The following ATP6V1E1 variants were observed in gnomAD, a reference collection of about 807,000 sequenced individuals.
ATP6V1E1 encodes V-type proton ATPase subunit E 1.
A neutral mutation model predicts 35.2 loss-of-function variants in ATP6V1E1; 21 were observed. That is an observed-to-expected ratio of 0.60 (90% CI 0.42 to 0.86). ATP6V1E1 has a LOEUF of 0.86. Ranked by LOEUF, ATP6V1E1 falls within the 40% of genes least tolerant of loss-of-function variation. The pLI is 0.00. For synonymous variants in ATP6V1E1, 83 were observed against 87.8 expected (o/e 0.95, Z 0.30); for missense variants, 183 against 272.6 (o/e 0.67, Z 2.32).
chr22:17,598,612 G>A (rs891655106), intron 6 of ATP6V1E1, among the ~76,000 whole-genome samples: 1 of 152,138 alleles, frequency 6.6e-6, no homozygotes, highest in East Asian at 1.9e-4. Flanking sequence ...TAGAAGCTGG[G>A]GGTAGGTAAG....
At chr22:17,608,430 A>C (rs2057796854) in intron 4 of ATP6V1E1, among the ~76,000 whole-genome samples, 1 of 152,072 alleles carries the variant, frequency 6.6e-6, no homozygotes, top group Non-Finnish European at 1.5e-5. Flanking sequence ...TGTTTCTATT[A>C]TTTATTATTT....
At chr22:17,614,847 T>C (rs575779802) in intron 2 of ATP6V1E1, among the ~76,000 whole-genome samples, 123 of 150,748 alleles carry the variant, frequency 8.2e-4, no homozygotes, top group African/African-American at 2.9e-3. Flanking sequence ...CAGTCGCCTG[T>C]AGTCCCAGCT....
intron 5 of ATP6V1E1, chr22:17,600,797 G>C: frequency 4.9e-6 from 1 of 204,804 alleles, no homozygotes; most frequent in Non-Finnish European, 9.7e-6. Context: ...CAAATTAAGG[G>C]AATTTAAAGC....
At chr22:17,621,698 G>A (rs2057878483) in intron 1 of ATP6V1E1, among the ~76,000 whole-genome samples, 1 of 152,104 alleles carries the variant, frequency 6.6e-6, no homozygotes. Context: ...AGTTCCTTGA[G>A]CTCACCATTC....
intron 8 of ATP6V1E1, 69 bp from the exon 9 acceptor site, chr22:17,592,805 T>G: frequency 8.0e-7 from 1 of 1,253,546 alleles, no homozygotes. Context: ...CACATCTTTT[T>G]TTTTTTTTTT....
At chr22:17,613,099 T>C in intron 3 of ATP6V1E1, 112 bp downstream of exon 3, 1 of 917,074 alleles carries the variant, frequency 1.1e-6, no homozygotes. Context: ...TTTGTCAGAT[T>C]AGTAGTAGGT....
chr22:17,612,929 G>C (rs2057822677), intron 3 of ATP6V1E1, 51 bp from the exon 4 acceptor site: 4 of 1,513,132 alleles, frequency 2.6e-6, no homozygotes, highest in Admixed American at 3.9e-5. Flanking sequence ...AAACTGTAGA[G>C]AAAGAATTCG....
intron 4 of ATP6V1E1, among the ~76,000 whole-genome samples, chr22:17,609,462 CTCT>C (rs1569206794): frequency 8.9e-6 from 1 of 111,934 alleles, no homozygotes; most frequent in Non-Finnish European, 1.8e-5. Flanking sequence ...GCCCATCCTG[CTCT>C]TTTTTTTTTT....
chr22:17,624,259 C>T (rs1241585649), intron 1 of ATP6V1E1, among the ~76,000 whole-genome samples: 1 of 152,078 alleles, frequency 6.6e-6, no homozygotes, highest in African/African-American at 2.4e-5. Context: ...TTCAATTTTA[C>T]ATAAATAAAA....
intron 4 of ATP6V1E1, among the ~76,000 whole-genome samples, chr22:17,610,713 T>C (rs2057811326): frequency 6.6e-6 from 1 of 152,196 alleles, no homozygotes; most frequent in Non-Finnish European, 1.5e-5. Flanking sequence ...CAGTTGTCAT[T>C]TTTTACTTTG....
At chr22:17,618,964 C>T (rs879913131) in intron 2 of ATP6V1E1, 3 of 453,274 alleles carry the variant, frequency 6.6e-6, no homozygotes, top group South Asian at 3.1e-5. Flanking sequence ...CAGGCCACTG[C>T]ACTGCAGTCC....
chr22:17,604,875 C>T (rs574388257), intron 4 of ATP6V1E1, among the ~76,000 whole-genome samples: 1 of 152,176 alleles, frequency 6.6e-6, no homozygotes, highest in South Asian at 2.1e-4. Flanking sequence ...CACTTCAGTA[C>T]CAATGTCTCA....
intron 4 of ATP6V1E1, 54 bp downstream of exon 4, chr22:17,612,758 G>T: frequency 7.4e-7 from 1 of 1,360,018 alleles, no homozygotes; most frequent in Non-Finnish European, 1.0e-6. Flanking sequence ...ATTTACAACA[G>T]GGAAATGAAT....
chr22:17,595,825 T>TACA (rs985388679), intron 7 of ATP6V1E1, among the ~76,000 whole-genome samples: 4 of 151,214 alleles, frequency 2.6e-5, no homozygotes, highest in African/African-American at 4.9e-5. Flanking sequence ...TTACTCAAAA[T>TACA]ACAACAACAA....
chr22:17,627,213 G>A (rs192525586), intron 1 of ATP6V1E1, among the ~76,000 whole-genome samples: 3 of 150,302 alleles, frequency 2.0e-5, no homozygotes, highest in South Asian at 2.1e-4. Context: ...AGGGTCGCTC[G>A]GCCTCCCGGG....
intron 5 of ATP6V1E1, 77 bp from the exon 6 acceptor site, chr22:17,600,172 G>A: frequency 7.4e-7 from 1 of 1,342,434 alleles, no homozygotes; most frequent in Non-Finnish European, 1.1e-6. Flanking sequence ...CAGTGGCTCA[G>A]GTCTGTAATC....
rs556615224 is a variant in ATP6V1E1 at position 17,628,693 on chromosome 22, G to A, written c.-58C>T. ...GCTCGAGTTTAGGTTTGAAAGGTGA[G>A]GTGAGAGAAATCGGCAAAGGGAACC... On this transcript the variant is annotated 5_prime_UTR_variant, in exon 1 of 9. Transcript: ENST00000253413. 511 of 1,611,234 alleles carry A rather than the reference G, an allele frequency of 3.2e-4. 1 individual carries two copies. In the African/African-American group the frequency reaches 6.1e-3, roughly 19 times the overall value.
At chr22:17,619,590 G>T in intron 1 of ATP6V1E1, 64 bp from the exon 2 acceptor site, 2 of 1,374,538 alleles carry the variant, frequency 1.5e-6, no homozygotes, top group South Asian at 2.6e-5. Context: ...CTGATTCATT[G>T]AACAAGTAAT....
At chr22:17,612,618 A>G in intron 4 of ATP6V1E1, 194 bp downstream of exon 4, 1 of 559,434 alleles carries the variant, frequency 1.8e-6, no homozygotes, top group South Asian at 2.6e-5. Context: ...AGAGTCTTAC[A>G]TGCTCTTTAG....
Sources: allele counts gnomAD v4.1 joint callset (sites outside exome capture counted in the v4.1 genomes callset), GRCh38; gene constraint gnomAD v4.1.1; transcripts MANE v1.5; gene names NCBI Gene and HGNC (gene_info 2026-07-23, HGNC 2026-07-21).